CES1: variants seen among roughly 807,000 people sequenced by gnomAD.
CES1 encodes the protein liver carboxylesterase 1.
Under a neutral mutation model 53.0 loss-of-function variants are expected in CES1, and 50 were observed. The ratio of observed to expected loss-of-function variants is 0.94; its 90% CI spans 0.75 to 1.19. The LOEUF is 1.19. Ranked by LOEUF, CES1 falls within the 50% of genes most tolerant of loss-of-function variation. CES1 has a pLI of 0.00. For missense variants in CES1, 534 were observed against 538.0 expected (o/e 0.99, Z 0.07); for synonymous variants, 202 against 210.1 (o/e 0.96, Z 0.33).
chr16:55,824,665 C>A (rs1267738759), intron 3 of CES1, among the ~76,000 whole-genome samples: 1 of 152,240 alleles, frequency 6.6e-6, no homozygotes, highest in Admixed American at 6.5e-5. Flanking sequence ...CAGGCGCCGG[C>A]CACAGTGCAG....
intron 8 of CES1, among the ~76,000 whole-genome samples, chr16:55,813,880 A>G (rs2142320849): frequency 6.6e-6 from 1 of 152,376 alleles, no homozygotes. Context: ...ATCAGAGATG[A>G]AACAAGAAGA....
At position 55,833,047 on chromosome 16, in the gene CES1, G is replaced by T. The variant is rs762231937; in HGVS notation, c.9C>A (p.Leu3=). Residue 3 remains leucine, a synonymous_variant, in exon 1 of 14, where the codon CTC becomes CTA. Transcript: ENST00000360526. The part of the protein sequence containing the change: MW[L]RAFILATLSA... Reference sequence around the variant, plus strand: ...AGAGAGTGGCCAGGATAAAGGCACGGAGCCACATCGTGGAAGGGCGACAGT... The same window carrying T: ...AGAGAGTGGCCAGGATAAAGGCACGTAGCCACATCGTGGAAGGGCGACAGT... The T allele has an allele frequency of 4.2e-5, 65 of 1,558,642 alleles. 12 individuals are homozygous for T. In the South Asian group the frequency reaches 4.3e-4, roughly 10 times the overall value.
chr16:55,832,856 G>T (rs1417901174), intron 1 of CES1, 148 bp downstream of exon 1: 1 of 821,106 alleles, frequency 1.2e-6, no homozygotes, highest in African/African-American at 1.7e-5. Context: ...GGGCTCAGCT[G>T]CTCCAAGTCC....
At position 55,828,805 on chromosome 16, in the gene CES1, T is replaced by A. The variant is rs76828834; in HGVS notation, c.222A>T (p.Pro74=). Residue 74 remains proline (P), a synonymous_variant, in exon 2 of 14, where the codon CCA becomes CCT. Coordinates refer to ENST00000360526, the MANE Select transcript of CES1 (RefSeq NM_001025195.2). ...LRFTPPQPAE[P]WSFVKNATSY... ...AGGTGGCATTCTTCACAAAGCTCCA[T>A]GGTTCTGCAGGCTGCGGTGGAGTAA... 6.2e-6 allele frequency: 10 copies of A among 1,601,066 alleles called. No individual in the cohort carries two copies. Among genetic ancestry groups the A allele is most frequent in the South Asian group, 1.1e-5 (1 of 90,410 alleles).
chr16:55,819,862 C>G, intron 6 of CES1: 3 of 634,896 alleles, frequency 4.7e-6, no homozygotes, highest in Non-Finnish European at 8.6e-6. Context: ...ATCTCTGCTA[C>G]CTTATCTCCA....
At chr16:55,811,675 A>G (rs1199672129) in intron 9 of CES1, among the ~76,000 whole-genome samples, 3 of 152,204 alleles carry the variant, frequency 2.0e-5, no homozygotes, top group Non-Finnish European at 4.4e-5. Context: ...TGCTCCAGCC[A>G]AAACCTGGAG....
chr16:55,820,821 C>A (rs1483799449), intron 5 of CES1, among the ~76,000 whole-genome samples: 1 of 152,108 alleles, frequency 6.6e-6, no homozygotes, highest in Non-Finnish European at 1.5e-5. Flanking sequence ...CCTCCCCTAG[C>A]CCACTGGACC....
At chr16:55,817,467 A>T (rs1351181921) in intron 7 of CES1, among the ~76,000 whole-genome samples, 2 of 152,194 alleles carry the variant, frequency 1.3e-5, no homozygotes, top group Non-Finnish European at 2.9e-5. Context: ...CTCATCTCCC[A>T]TTAGAAAGCC....
chr16:55,818,792 G>C (rs1246250108), intron 7 of CES1, among the ~76,000 whole-genome samples: 1 of 151,572 alleles, frequency 6.6e-6, no homozygotes, highest in Admixed American at 6.6e-5. Context: ...TCAATACATG[G>C]AGTACAGTTG....
At chr16:55,822,635 T>C (rs1184014631) in intron 4 of CES1, among the ~76,000 whole-genome samples, 2 of 150,810 alleles carry the variant, frequency 1.3e-5, no homozygotes, top group Non-Finnish European at 3.0e-5. Context: ...GCTTCAAAGG[T>C]GAGGTGGGCT....
At chr16:55,830,819 A>AAGGAAGGCAGGCAGGCAGGC (rs1454708070) in intron 1 of CES1, among the ~76,000 whole-genome samples, 38 of 127,354 alleles carry the variant, frequency 3.0e-4, no homozygotes, top group African/African-American at 9.4e-4. Context: ...GGAAGGAAGG[A>AAGGAAGGCAGGCAGGCAGGC]AGGCAGGCAG....
chr16:55,825,280 C>A (rs75990781), intron 3 of CES1, among the ~76,000 whole-genome samples: 4,656 of 152,260 alleles, frequency 0.031, 180 homozygotes, highest in East Asian at 0.1. Flanking sequence ...GTTCCACGTT[C>A]GCAGACCTGC....
intron 5 of CES1, among the ~76,000 whole-genome samples, chr16:55,821,074 AAGAGAGAGAGAG>A (rs59890072): frequency 6.7e-6 from 1 of 149,732 alleles, no homozygotes; most frequent in East Asian, 2.0e-4. Flanking sequence ...GAGAGAGAGA[AAGAGAGAGAGAG>A]AGAGAGAGCT....
intron 8 of CES1, among the ~76,000 whole-genome samples, chr16:55,814,744 A>G (rs1490886005): frequency 2.0e-5 from 3 of 152,214 alleles, no homozygotes; most frequent in Non-Finnish European, 2.9e-5. Flanking sequence ...TTGAGACCCT[A>G]TGGCTTCTGG....
In CES1 at chr16:55,821,498, C is replaced by A. The variant is rs1214061080; in HGVS notation, c.563G>T (p.Gly188Val). 1.2e-6 allele frequency: 2 copies of A among 1,614,078 alleles called. No individual in the cohort carries two copies. The highest frequency in any genetic ancestry group is 2.2e-5 in the East Asian group (1 of 44,896). The change falls in exon 5 of 14, where the codon GGG (glycine) becomes GTG (valine). Residue 188 changes from glycine to valine, a missense_variant. Physicochemically the swap from Gly to Val is moderately radical, Grantham distance 109 (BLOSUM62 -3). Around this residue, in one of 5 missense-constraint regions of CES1, gnomAD observed 85 missense variants for 81.9 expected, o/e 1.04. Coordinates refer to ENST00000360526, the MANE Select transcript of CES1 (RefSeq NM_001025195.2). ...FFSTGDEHSR[G>V]NWGHLDQVAA... is the part of the protein sequence containing the mutation. The stretch of plus-strand genomic sequence containing the variant: ...CACCTGGTCCAGGTGACCCCAGTTC[C>A]CCCGGCTGTGTTCATCCCCTGTGCT...
At chr16:55,825,667 C>T (rs2142347186) in intron 3 of CES1, among the ~76,000 whole-genome samples, 1 of 152,354 alleles carries the variant, frequency 6.6e-6, no homozygotes, top group East Asian at 1.9e-4. Context: ...CAATGCCCTA[C>T]TCCATGTCAA....
At position 55,821,641 on chromosome 16, in the gene CES1, C is replaced by T. The variant is rs2032203278; in HGVS notation, c.540-120G>A. 6.7e-6 allele frequency: 7 copies of T among 1,042,396 alleles called. No homozygotes were observed. In the South Asian group the frequency reaches 9.4e-5, roughly 14 times the overall value. 64.6% of individuals were successfully genotyped at this position (1,042,396 alleles called of 1,614,324 possible). On this transcript the variant is annotated intron_variant, in intron 4 of 13. Coordinates refer to ENST00000360526, the MANE Select transcript of CES1 (RefSeq NM_001025195.2). ...TAAGAATAAGGCTGGGCTTCAGCAT[C>T]TCTGAGACCCTGCTTTCATTAGTAC... is the stretch of plus-strand genomic sequence containing the variant.
At chr16:55,819,039 A>G (rs1233074572) in intron 7 of CES1, among the ~76,000 whole-genome samples, 1 of 152,278 alleles carries the variant, frequency 6.6e-6, no homozygotes, top group Admixed American at 6.5e-5. Flanking sequence ...AGACAATCAT[A>G]GATAGACGGA....
At chr16:55,810,814 G>A in intron 10 of CES1, 113 bp downstream of exon 10, 3 of 1,406,004 alleles carry the variant, frequency 2.1e-6, no homozygotes, top group Non-Finnish European at 2.0e-6. Context: ...TGGAAAGATG[G>A]GGGAAACCCT....
Sources: allele counts gnomAD v4.1 joint callset (sites outside exome capture counted in the v4.1 genomes callset), GRCh38; gene constraint gnomAD v4.1.1; regional missense constraint gnomAD v4.1.1; transcripts MANE v1.5; gene names NCBI Gene and HGNC (gene_info 2026-07-23, HGNC 2026-07-21).